CNIH3: variants seen among roughly 807,000 people sequenced by gnomAD.
CNIH3 encodes protein cornichon homolog 3.
A neutral mutation model predicts 24.1 loss-of-function variants in CNIH3; 14 were observed. That is an observed-to-expected ratio of 0.58 (90% CI 0.38 to 0.91). The LOEUF is 0.91. Among genes scored for constraint, CNIH3 ranks in the 40% least tolerant of loss-of-function variants. The probability of loss-of-function intolerance (pLI) is 0.00; values close to 1 mark genes in which losing one functional copy is unlikely to be tolerated. For missense variants in CNIH3, 178 were observed against 196.8 expected, an observed-to-expected ratio of 0.90 and a Z score of 0.57; for synonymous variants, 68 against 73.8, an observed-to-expected ratio of 0.92 and a Z score of 0.40.
chr1:224,715,548 T>A (rs1688382616), intron 3 of CNIH3, among the ~76,000 whole-genome samples: 1 of 152,150 alleles, frequency 6.6e-6, no homozygotes, highest in Non-Finnish European at 1.5e-5. Context: ...ATACCTGAAG[T>A]TGGACAATTT....
At chr1:224,730,617 A>G (rs755787656) in intron 4 of CNIH3, 43 bp downstream of exon 4, 13 of 1,233,158 alleles carry the variant, frequency 1.1e-5, no homozygotes, top group East Asian at 2.5e-5. Flanking sequence ...CTTTTCTGCC[A>G]GGGCAGCCTG....
chr1:224,668,376 G>A (rs1685698716), intron 1 of CNIH3, among the ~76,000 whole-genome samples: 1 of 152,182 alleles, frequency 6.6e-6, no homozygotes, highest in South Asian at 2.1e-4. Context: ...AAGCTATTGT[G>A]TTTTCAGAGT....
intron 3 of CNIH3, among the ~76,000 whole-genome samples, chr1:224,605,910 T>A (rs1682399009): frequency 6.6e-6 from 1 of 152,198 alleles, no homozygotes; most frequent in Admixed American, 6.5e-5. Context: ...CAGCCTTGTG[T>A]CAATTAAATG....
At chr1:224,532,807 A>G (rs76645594) in intron 2 of CNIH3, among the ~76,000 whole-genome samples, 3,361 of 152,296 alleles carry the variant, frequency 0.022, 53 homozygotes, top group Non-Finnish European at 0.035. Context: ...GACTTTATAT[A>G]TATCAGGTTG....
chr1:224,597,950 T>TGAATTGAA (rs575500019), intron 3 of CNIH3, among the ~76,000 whole-genome samples: 81 of 152,292 alleles, frequency 5.3e-4, no homozygotes, highest in East Asian at 3.5e-3. Context: ...GTGTCAGAAT[T>TGAATTGAA]GAATTGAAGG....
intron 3 of CNIH3, among the ~76,000 whole-genome samples, chr1:224,705,578 A>T (rs1687738068): frequency 6.6e-6 from 1 of 152,194 alleles, no homozygotes; most frequent in African/African-American, 2.4e-5. Context: ...TTTGTGCTGG[A>T]TGTTCAAGGT....
At chr1:224,665,266 A>G (rs1242900526) in intron 1 of CNIH3, among the ~76,000 whole-genome samples, 1 of 152,172 alleles carries the variant, frequency 6.6e-6, no homozygotes, top group African/African-American at 2.4e-5. Context: ...TAGTGAAGAG[A>G]TAATTTGCCC....
intron 1 of CNIH3, among the ~76,000 whole-genome samples, chr1:224,438,406 A>G (rs762550747): frequency 6.6e-6 from 1 of 152,186 alleles, no homozygotes; most frequent in Non-Finnish European, 1.5e-5. Flanking sequence ...ATATTTTAAA[A>G]AGCTGAGATA....
intron 3 of CNIH3, among the ~76,000 whole-genome samples, chr1:224,608,756 G>T (rs1287964364): frequency 6.6e-6 from 1 of 152,196 alleles, no homozygotes; most frequent in Non-Finnish European, 1.5e-5. Context: ...CCCTTACCCT[G>T]ATGCTTCCCT....
chr1:224,616,954 T>C lies in CNIH3; in HGVS notation c.-221T>C. ...CAGCGACTCTCGACACACGTTTTCCTGTCTTCGCCGGAGGGCCGGGTCTGG... is the reference window on the plus strand; with the variant it reads ...CAGCGACTCTCGACACACGTTTTCCCGTCTTCGCCGGAGGGCCGGGTCTGG... On this transcript the variant is annotated 5_prime_UTR_variant, in exon 1 of 6. Coordinates refer to ENST00000272133, the MANE Select transcript of CNIH3 (RefSeq NM_152495.2). 3 of 1,387,218 alleles carry C rather than the reference T, an allele frequency of 2.2e-6. No homozygotes were observed. Among genetic ancestry groups the C allele is most frequent in the South Asian group, 1.9e-5 (1 of 53,220 alleles). 85.9% of individuals were successfully genotyped at this position (1,387,218 alleles called of 1,614,324 possible).
intron 3 of CNIH3, among the ~76,000 whole-genome samples, chr1:224,699,441 C>G (rs1225942489): frequency 1.3e-5 from 2 of 152,238 alleles, no homozygotes; most frequent in African/African-American, 4.8e-5. Flanking sequence ...TAGCCACAGG[C>G]ATTCTTCTTC....
chr1:224,436,867 CCT>C (rs1674691403), intron 1 of CNIH3: 1 of 152,236 alleles, frequency 6.6e-6, no homozygotes, highest in South Asian at 2.1e-4. Flanking sequence ...TCTTATTGCT[CCT>C]CTTCAGGGAC....
intron 3 of CNIH3, 93 bp from the exon 4 acceptor site, chr1:224,730,369 A>T: frequency 1.3e-6 from 1 of 764,256 alleles, no homozygotes; most frequent in Non-Finnish European, 2.2e-6. Context: ...ACCGTCTGTG[A>T]GAGGCAGTGT....
chr1:224,579,247 T>A (rs1028353775), intron 4 of CNIH3, among the ~76,000 whole-genome samples: 1 of 152,094 alleles, frequency 6.6e-6, no homozygotes, highest in Non-Finnish European at 1.5e-5. Flanking sequence ...CAAGTTGTTG[T>A]TTTCTGTTTA....
intron 1 of CNIH3, among the ~76,000 whole-genome samples, chr1:224,463,773 A>ATTTTTTTTTTTTTTTTTTTTTTT (rs56137320): frequency 4.8e-5 from 1 of 20,706 alleles, no homozygotes; most frequent in Non-Finnish European, 7.5e-5. Flanking sequence ...AATTGTCCTC[A>ATTTTTTTTTTTTTTTTTTTTTTT]TTTTTTTTTT....
intron 1 of CNIH3, among the ~76,000 whole-genome samples, chr1:224,655,181 G>T (rs1685041061): frequency 7.2e-6 from 1 of 139,652 alleles, no homozygotes; most frequent in Admixed American, 7.6e-5. Flanking sequence ...AGTGGGTGGG[G>T]CTGTCTTCTG....
intron 3 of CNIH3, among the ~76,000 whole-genome samples, chr1:224,597,893 G>C (rs1240691482): frequency 6.6e-6 from 1 of 152,132 alleles, no homozygotes. Context: ...AGGGGGCGGG[G>C]ACTCAGCCCT....
rs373952940 is a variant in CNIH3 at position 224,647,890 on chromosome 1, C to T, written c.81+30635C>T. ...GGTGGCTGGACAGATAGTGGCAGGT[C>T]GGTAAGAACAGAGTTAAAACTCAGC... is the stretch of plus-strand genomic sequence containing the variant. On this transcript the variant is annotated intron_variant, in intron 1 of 5. Transcript: ENST00000272133. 5.3e-5 allele frequency among the ~76,000 whole-genome samples: 8 copies of T among 152,066 alleles called. No homozygotes were observed. In the South Asian group the frequency reaches 8.3e-4, roughly 16 times the overall value.
At chr1:224,470,240 G>A (rs1034770879) in intron 1 of CNIH3, among the ~76,000 whole-genome samples, 1 of 150,964 alleles carries the variant, frequency 6.6e-6, no homozygotes, top group African/African-American at 2.4e-5. Flanking sequence ...GGATAGTCTC[G>A]ATCTCCTGAC....
Sources: allele counts gnomAD v4.1 joint callset (sites outside exome capture counted in the v4.1 genomes callset), GRCh38; gene constraint gnomAD v4.1.1; transcripts MANE v1.5; gene names NCBI Gene and HGNC (gene_info 2026-07-23, HGNC 2026-07-21).